FANCI: variants seen among roughly 807,000 people sequenced by gnomAD.
The protein encoded by FANCI is Fanconi anemia group I protein.
A neutral mutation model predicts 176.1 loss-of-function variants in FANCI; 156 were observed. The ratio of observed to expected loss-of-function variants is 0.89; its 90% CI spans 0.78 to 1.01. The LOEUF (loss-of-function observed/expected upper bound fraction) is 1.01, where lower values mean the gene tolerates loss of function less well. FANCI is among the 50% of genes least tolerant of loss of function. The pLI, the probability that FANCI is intolerant of heterozygous loss-of-function variation, is 0.00. For synonymous variants in FANCI, 613 were observed against 541.7 expected (o/e 1.13, Z -1.83); for missense variants, 1,678 against 1,534.1 (o/e 1.09, Z -1.57).
intron 10 of FANCI, among the ~76,000 whole-genome samples, chr15:89,272,915 C>T (rs1445074914): frequency 6.6e-6 from 1 of 152,122 alleles, no homozygotes; most frequent in African/African-American, 2.4e-5. Flanking sequence ...GACCCACCTG[C>T]CTCAGTCTCC....
chr15:89,293,129 T>C (rs764778552), intron 22 of FANCI, 66 bp downstream of exon 22: 125 of 1,557,330 alleles, frequency 8.0e-5, no homozygotes, highest in Non-Finnish European at 1.0e-4. Context: ...ATATTTTTAC[T>C]GTAGCAGTAT....
At chr15:89,262,893 A>T (rs918719189) in intron 6 of FANCI, among the ~76,000 whole-genome samples, 7 of 152,258 alleles carry the variant, frequency 4.6e-5, no homozygotes, top group Admixed American at 3.9e-4. Context: ...GTTGCAATGA[A>T]TGTCTTTTTT....
At chr15:89,256,412 A>G (rs2052494955) in intron 2 of FANCI, among the ~76,000 whole-genome samples, 1 of 152,214 alleles carries the variant, frequency 6.6e-6, no homozygotes, top group African/African-American at 2.4e-5. Context: ...ATACTTCTTT[A>G]TTATATATTT....
intron 31 of FANCI, 126 bp from the exon 32 acceptor site, chr15:89,305,881 C>A: frequency 1.9e-6 from 2 of 1,072,336 alleles, no homozygotes; most frequent in Non-Finnish European, 2.8e-6. Context: ...TTAATTCACT[C>A]TGCATATTGA....
At chr15:89,259,357 A>T (rs936435096) in intron 3 of FANCI, 26 of 154,534 alleles carry the variant, frequency 1.7e-4, no homozygotes, top group Non-Finnish European at 1.4e-5. Flanking sequence ...TCCCCCAAGT[A>T]AATTAGATCT....
intron 32 of FANCI, 136 bp from the exon 33 acceptor site, chr15:89,307,340 T>C: frequency 2.5e-6 from 2 of 800,002 alleles, no homozygotes; most frequent in Non-Finnish European, 4.2e-6. Flanking sequence ...ATAAGGAAGC[T>C]TGTGTCTTGG....
At position 89,260,714 on chromosome 15, in the gene FANCI, T is replaced by G; in HGVS notation, c.159T>G (p.Gly53=). ...AGALLRAIFK[G]SPCSEEAGTL... is the part of the protein sequence containing the mutation. ...GAACCCCCTGTTTAAAACAATAAGG[T>G]TCCCCCTGCTCTGAGGAAGCTGGAA... Residue 53 remains glycine (G), a splice_region_variant and synonymous_variant, in exon 4 of 38, where the codon GGT becomes GGG. Coordinates refer to ENST00000310775, the MANE Select transcript of FANCI (RefSeq NM_001113378.2). 6.2e-7 allele frequency: 1 copy of G among 1,613,606 alleles called. No homozygotes were observed. Among genetic ancestry groups the G allele is most frequent in the Non-Finnish European group, 8.5e-7 (1 of 1,179,714 alleles).
intron 12 of FANCI, 81 bp from the exon 13 acceptor site, chr15:89,276,630 A>G: frequency 6.7e-7 from 1 of 1,495,402 alleles, no homozygotes; most frequent in East Asian, 2.3e-5. Flanking sequence ...AGTTTGGGAA[A>G]TGTATAACAG....
intron 17 of FANCI, 134 bp from the exon 18 acceptor site, chr15:89,284,962 A>G: frequency 1.1e-6 from 1 of 920,130 alleles, no homozygotes; most frequent in South Asian, 1.3e-5. Context: ...TAATGATTAT[A>G]CTGTGTGTCT....
intron 14 of FANCI, among the ~76,000 whole-genome samples, chr15:89,279,517 A>G (rs1055608647): frequency 6.6e-6 from 1 of 152,122 alleles, no homozygotes; most frequent in African/African-American, 2.4e-5. Context: ...CTTCATCACA[A>G]ATTTTAAAAA....
intron 36 of FANCI, 137 bp from the exon 37 acceptor site, chr15:89,315,145 C>T: frequency 1.4e-6 from 1 of 715,884 alleles, no homozygotes; most frequent in Non-Finnish European, 2.5e-6. Flanking sequence ...TGAACCCCAG[C>T]ATACAGAAGG....
At chr15:89,253,580 C>T (rs1479799019) in intron 2 of FANCI, among the ~76,000 whole-genome samples, 1 of 151,868 alleles carries the variant, frequency 6.6e-6, no homozygotes, top group African/African-American at 2.4e-5. Context: ...ATGAATTTCT[C>T]TTTAAGCTCA....
chr15:89,275,448 G>A (rs773239524), intron 12 of FANCI, among the ~76,000 whole-genome samples: 2 of 152,012 alleles, frequency 1.3e-5, no homozygotes, highest in Non-Finnish European at 2.9e-5. Context: ...CTTTCACTGT[G>A]TATTAAATAT....
At chr15:89,248,229 T>G (rs904559184) in intron 2 of FANCI, among the ~76,000 whole-genome samples, 3 of 152,234 alleles carry the variant, frequency 2.0e-5, no homozygotes, top group Non-Finnish European at 2.9e-5. Context: ...CCTTATATGT[T>G]AGGCTGTTTC....
At chr15:89,298,812 C>T (rs1308450819) in intron 24 of FANCI, among the ~76,000 whole-genome samples, 2 of 152,164 alleles carry the variant, frequency 1.3e-5, no homozygotes, top group South Asian at 2.1e-4. Flanking sequence ...AGAATATTAA[C>T]GATTTTATGC....
At chr15:89,244,439 C>G (rs2051853276) in intron 1 of FANCI, among the ~76,000 whole-genome samples, 1 of 152,214 alleles carries the variant, frequency 6.6e-6, no homozygotes, top group Non-Finnish European at 1.5e-5. Flanking sequence ...CGTTTCCCGC[C>G]GGCGGGGCTC....
intron 31 of FANCI, 33 bp from the exon 32 acceptor site, chr15:89,305,974 G>A: frequency 6.2e-7 from 1 of 1,609,860 alleles, no homozygotes; most frequent in East Asian, 2.2e-5. Context: ...AAACGAAGTT[G>A]GGTTTGAATG....
intron 17 of FANCI, among the ~76,000 whole-genome samples, chr15:89,284,659 G>C (rs750811183): frequency 2.6e-5 from 4 of 152,204 alleles, no homozygotes; most frequent in Non-Finnish European, 5.9e-5. Context: ...CACAAAGGAT[G>C]TCAGTTCTTT....
Position 89,283,141 on chromosome 15 carries a change from T to A in FANCI, c.1589T>A (p.Leu530His). 1 of 1,614,208 alleles carries A rather than the reference T, an allele frequency of 6.2e-7. No homozygotes were observed. Among genetic ancestry groups the A allele is most frequent in the East Asian group, 2.2e-5 (1 of 44,880 alleles). ...CTTCTCTATTTCTGAGCTAGCCAGCTTGATGCCCGAAAATCTGCAGTTGCT... is the reference window on the plus strand; with the variant it reads ...CTTCTCTATTTCTGAGCTAGCCAGCATGATGCCCGAAAATCTGCAGTTGCT... ...VLRKAMFANQ[L>H]DARKSAVAGF... Residue 530 changes from leucine to histidine, a missense_variant, in exon 17 of 38, where the codon CTT becomes CAT. Transcript: ENST00000310775.
Sources: allele counts gnomAD v4.1 joint callset (sites outside exome capture counted in the v4.1 genomes callset), GRCh38; gene constraint gnomAD v4.1.1; transcripts MANE v1.5; gene names NCBI Gene and HGNC (gene_info 2026-07-23, HGNC 2026-07-21).